The following RELN variants were observed in gnomAD, a reference collection of about 807,000 sequenced individuals.
RELN encodes the protein reelin.
RELN carries 108 observed loss-of-function variants against 427.6 expected under a neutral mutation model. The ratio of observed to expected loss-of-function variants is 0.25; its 90% CI spans 0.22 to 0.30. The LOEUF is 0.30. RELN is among the 10% of genes least tolerant of loss of function. The pLI, the probability that RELN is intolerant of heterozygous loss-of-function variation, is 1.00. For missense variants in RELN, 3,715 were observed against 4,302.8 expected (o/e 0.86, Z 3.82); for synonymous variants, 1,524 against 1,513.4 (o/e 1.01, Z -0.16).
intron 19 of RELN, 125 bp from the exon 20 acceptor site, chr7:103,630,301 T>A: frequency 1.5e-6 from 1 of 646,772 alleles, no homozygotes; most frequent in South Asian, 1.9e-5. Flanking sequence ...ATTATAAACA[T>A]TTTTTTTTGA....
At chr7:103,702,308 A>T (rs1190069330) in intron 8 of RELN, among the ~76,000 whole-genome samples, 1 of 152,266 alleles carries the variant, frequency 6.6e-6, no homozygotes, top group Non-Finnish European at 1.5e-5. Flanking sequence ...TCTGTGATTT[A>T]GAAGGAAAGT....
chr7:103,677,431 T>TAAC (rs1170706646), intron 11 of RELN, among the ~76,000 whole-genome samples: 1 of 146,748 alleles, frequency 6.8e-6, no homozygotes, highest in Non-Finnish European at 1.5e-5. Context: ...ATAATAATAA[T>TAAC]AATAATAATA....
rs35827501 is a variant in RELN at position 103,483,766 on chromosome 7, G to A, written c.10068C>T (p.Asp3356=). Residue 3356 remains aspartate, a synonymous_variant, in exon 62 of 65, where the codon GAC becomes GAT. Transcript: ENST00000428762. Reference sequence around the variant, plus strand: ...CGCTGTATTGCAGCAGCACTGCCTTGTCCACAGCGTGGGGGCCACTCAGGT... The same window carrying A: ...CGCTGTATTGCAGCAGCACTGCCTTATCCACAGCGTGGGGGCCACTCAGGT... ...NSDLSGPHAV[D]KAVLLQYSVN... 1 of 1,613,986 alleles carries A rather than the reference G, an allele frequency of 6.2e-7. No individual in the cohort carries two copies. Among genetic ancestry groups the A allele is most frequent in the African/African-American group, 1.3e-5 (1 of 74,942 alleles).
chr7:103,524,001 A>G (rs991880261), intron 46 of RELN, among the ~76,000 whole-genome samples: 18 of 152,210 alleles, frequency 1.2e-4, no homozygotes, highest in Admixed American at 8.5e-4. Context: ...TATTCTACAG[A>G]AAACATTGTT....
At chr7:103,518,311 G>T (rs1417326191) in intron 49 of RELN, among the ~76,000 whole-genome samples, 2 of 146,344 alleles carry the variant, frequency 1.4e-5, no homozygotes, top group African/African-American at 5.1e-5. Flanking sequence ...ATGCATTAAA[G>T]GATTATCTAC....
intron 38 of RELN, among the ~76,000 whole-genome samples, chr7:103,555,873 T>C (rs1438340395): frequency 6.6e-6 from 1 of 152,230 alleles, no homozygotes; most frequent in African/African-American, 2.4e-5. Flanking sequence ...TTTAACATAT[T>C]GTTAAGGAAA....
chr7:103,869,824 T>C (rs1330551910), intron 2 of RELN, among the ~76,000 whole-genome samples: 1 of 152,186 alleles, frequency 6.6e-6, no homozygotes, highest in Non-Finnish European at 1.5e-5. Flanking sequence ...CATTAGTTTT[T>C]CAAATATCTG....
At chr7:103,952,824 A>C (rs986397408) in intron 1 of RELN, among the ~76,000 whole-genome samples, 8 of 152,218 alleles carry the variant, frequency 5.3e-5, no homozygotes, top group African/African-American at 1.9e-4. Flanking sequence ...TACATCTCTC[A>C]AAACACTCAC....
intron 45 of RELN, among the ~76,000 whole-genome samples, chr7:103,536,946 T>C (rs1436603676): frequency 6.6e-6 from 1 of 152,226 alleles, no homozygotes; most frequent in African/African-American, 2.4e-5. Flanking sequence ...CTGTATGTCA[T>C]CTTCACTAAA....
intron 19 of RELN, among the ~76,000 whole-genome samples, chr7:103,634,987 T>C (rs190627371): frequency 6.6e-6 from 1 of 152,094 alleles, no homozygotes; most frequent in Non-Finnish European, 1.5e-5. Flanking sequence ...GCCTCCTGAG[T>C]AGCTGGGACT....
intron 48 of RELN, among the ~76,000 whole-genome samples, chr7:103,520,954 GTTATTTTTTTTTTTTTT>G (rs1829687761): frequency 1.3e-5 from 1 of 78,190 alleles, no homozygotes; most frequent in African/African-American, 5.0e-5. Flanking sequence ...CAGTAAATTT[GTTATTTTTTTTTTTTTT>G]TTTTTTTTTT....
At chr7:103,590,138 T>A (rs541025117) in intron 27 of RELN, among the ~76,000 whole-genome samples, 56 of 152,308 alleles carry the variant, frequency 3.7e-4, no homozygotes, top group Middle Eastern at 3.4e-3. Context: ...AAGAAGCTGC[T>A]TTTTTCTCCC....
chr7:103,647,289 T>A (rs890443199), intron 16 of RELN, among the ~76,000 whole-genome samples: 1 of 152,034 alleles, frequency 6.6e-6, no homozygotes, highest in Non-Finnish European at 1.5e-5. Context: ...GGTTATGATA[T>A]GATCTTATAC....
rs568079341 is a variant in RELN, at chr7:103,695,300, T to C, written c.1143+2553A>G. On this transcript the variant is annotated intron_variant, in intron 10 of 64. Transcript: ENST00000428762. ...ATGACAAATTCTTAGATATTATGAATGCATTTATTTGAAGTTTTAAGAAGA... is the reference window on the plus strand; with the variant it reads ...ATGACAAATTCTTAGATATTATGAACGCATTTATTTGAAGTTTTAAGAAGA... Among the ~76,000 whole-genome samples the C allele has an allele frequency of 2.0e-5, 3 of 152,294 alleles. No homozygotes were observed. In the South Asian group the frequency reaches 6.2e-4, roughly 32 times the overall value.
At chr7:103,486,145 C>A in intron 61 of RELN, 52 bp downstream of exon 61, 2 of 1,527,666 alleles carry the variant, frequency 1.3e-6, no homozygotes, top group Non-Finnish European at 1.8e-6. Context: ...TGGACAATCA[C>A]TGGGCTTGTG....
intron 3 of RELN, among the ~76,000 whole-genome samples, chr7:103,809,960 A>T (rs183194706): frequency 6.6e-6 from 1 of 152,154 alleles, no homozygotes; most frequent in Admixed American, 6.5e-5. Context: ...CTAAAACTCA[A>T]GTTTTCTCTT....
intron 3 of RELN, among the ~76,000 whole-genome samples, chr7:103,809,957 T>TA (rs1792696256): frequency 6.6e-6 from 1 of 152,162 alleles, no homozygotes; most frequent in East Asian, 1.9e-4. Flanking sequence ...CCACTAAAAC[T>TA]CAAGTTTTCT....
Position 103,510,973 on chromosome 7 carries a change from T to C in RELN, c.8152A>G (p.Thr2718Ala). ...NEHWLFHDDC[T>A]VERFCDSPDG... ...GGGGAGTCACAGAATCTTTCTACTG[T>C]ACAATCATCATGGAATAGCCAGTGC... The change falls in exon 51 of 65, where the codon ACA becomes GCA. Residue 2718 changes from threonine to alanine, a missense_variant. By Grantham distance (58) the Thr-to-Ala change is moderately conservative. This residue lies in a region of RELN where 1,310 missense variants were observed against 1,643.0 expected (regional missense o/e 0.80). Transcript: ENST00000428762. 6.2e-7 allele frequency: 1 copy of C among 1,613,664 alleles called. No individual in the cohort carries two copies. The highest frequency in any genetic ancestry group is 8.5e-7 in the Non-Finnish European group (1 of 1,179,628).
chr7:103,821,381 A>C (rs752326219), intron 3 of RELN, among the ~76,000 whole-genome samples: 2 of 152,144 alleles, frequency 1.3e-5, no homozygotes, highest in Non-Finnish European at 2.9e-5. Context: ...CATATTACAA[A>C]AGGCATCTTG....
Sources: gnomAD v4.1 joint callset for allele counts (sites outside exome capture counted in the v4.1 genomes callset) on GRCh38, gnomAD v4.1.1 for gene constraint, gnomAD v4.1.1 regional missense constraint, MANE v1.5 for transcripts, NCBI Gene and HGNC (gene_info 2026-07-23, HGNC 2026-07-21) for gene names.